The following XKR4 variants were observed in gnomAD, a reference collection of about 807,000 sequenced individuals.
XKR4 encodes XK related 4.
Under a neutral mutation model 53.9 loss-of-function variants are expected in XKR4, and 12 were observed. The ratio of observed to expected loss-of-function variants is 0.22; its 90% CI spans 0.14 to 0.36. The LOEUF (loss-of-function observed/expected upper bound fraction) is 0.36. XKR4 is among the 10% of genes least tolerant of loss of function. XKR4 has a pLI of 1.00. For synonymous variants in XKR4, 354 were observed against 362.4 expected (o/e 0.98, Z 0.26); for missense variants, 799 against 859.5 (o/e 0.93, Z 0.88).
intron 1 of XKR4, among the ~76,000 whole-genome samples, chr8:55,245,192 C>T (rs1315757296): frequency 6.6e-6 from 1 of 152,116 alleles, no homozygotes; most frequent in African/African-American, 2.4e-5. Context: ...CAGGCATGAG[C>T]CACCATGCCC....
intron 2 of XKR4, among the ~76,000 whole-genome samples, chr8:55,480,051 T>G (rs1327736652): frequency 6.6e-6 from 1 of 152,218 alleles, no homozygotes; most frequent in Non-Finnish European, 1.5e-5. Context: ...ACTCATTTTA[T>G]GAGGCCAGCA....
intron 1 of XKR4, among the ~76,000 whole-genome samples, chr8:55,278,563 A>T (rs1381334731): frequency 6.6e-6 from 1 of 152,174 alleles, no homozygotes; most frequent in East Asian, 1.9e-4. Flanking sequence ...TTGACTGAGG[A>T]AGTACCAACT....
chr8:55,340,988 GAACCA>G (rs1803536465), intron 1 of XKR4, among the ~76,000 whole-genome samples: 1 of 152,120 alleles, frequency 6.6e-6, no homozygotes, highest in Non-Finnish European at 1.5e-5. Context: ...GGAAAATTAG[GAACCA>G]TTCTGGGGTG....
Position 55,102,343 on chromosome 8 carries a change from G to T in XKR4, c.-146G>T. ...CGGCGGGCGGCGGGCGGCGGCGGAC[G>T]GCAGGCGAGCCGACGCAGGAGCAGG... On this transcript the variant is annotated 5_prime_UTR_variant, in exon 1 of 3. Transcript: ENST00000327381. This position sits in a 1 kb window ranked among gnomAD's most constrained non-coding sequence, Gnocchi z 5.1. 2 of 1,073,896 alleles carry T rather than the reference G, an allele frequency of 1.9e-6. No homozygotes were observed. The highest frequency in any genetic ancestry group is 2.3e-6 in the Non-Finnish European group (2 of 871,572). The allele number at this position is 1,073,896 out of a possible 1,614,324, so 66.5% of individuals were successfully genotyped here. A position where few individuals can be genotyped will look rare whatever the true frequency, so the allele number is the denominator to read the frequency against.
chr8:55,509,010 G>A (rs1373258314), intron 2 of XKR4, among the ~76,000 whole-genome samples: 1 of 152,188 alleles, frequency 6.6e-6, no homozygotes, highest in Non-Finnish European at 1.5e-5. Flanking sequence ...TGAAATAGCT[G>A]AATGTCAATG....
chr8:55,257,447 T>A (rs1818452871), intron 1 of XKR4, among the ~76,000 whole-genome samples: 1 of 141,914 alleles, frequency 7.0e-6, no homozygotes. Flanking sequence ...GGGGAGAAAA[T>A]GAGAGAGAGA....
chr8:55,213,863 T>TTC (rs1563484716), intron 1 of XKR4, among the ~76,000 whole-genome samples: 2 of 128,928 alleles, frequency 1.6e-5, no homozygotes, highest in African/African-American at 5.8e-5. Flanking sequence ...TTTCTTTTTT[T>TTC]TTTTTTTTTT....
intron 2 of XKR4, among the ~76,000 whole-genome samples, chr8:55,520,586 A>T (rs1725688063): frequency 6.6e-6 from 1 of 152,224 alleles, no homozygotes; most frequent in South Asian, 2.1e-4. Flanking sequence ...TCAAAAAATC[A>T]TCATCATCAT....
intron 2 of XKR4, among the ~76,000 whole-genome samples, chr8:55,466,044 G>A (rs1156763119): frequency 2.6e-5 from 4 of 152,140 alleles, no homozygotes; most frequent in Non-Finnish European, 4.4e-5. Context: ...TGGTGGGACT[G>A]TAAACTAGTT....
chr8:55,126,153 GAA>G (rs1335393545), intron 1 of XKR4, among the ~76,000 whole-genome samples: 1 of 151,846 alleles, frequency 6.6e-6, no homozygotes, highest in Non-Finnish European at 1.5e-5. Flanking sequence ...GAGGAGGAAA[GAA>G]AAAAAAGTTT....
Position 55,117,566 on chromosome 8 carries a change from G to A in XKR4, c.806+14272G>A, listed in dbSNP as rs556802237. On this transcript the variant is annotated intron_variant, in intron 1 of 2. Coordinates refer to ENST00000327381, the MANE Select transcript of XKR4 (RefSeq NM_052898.2). ...GCACATTCATTCTGTTAAACCATCC[G>A]ATCTTCTCATCAGGCTCCCAGGGTA... Among the ~76,000 whole-genome samples, 91 of 152,248 alleles carry A rather than the reference G, an allele frequency of 6.0e-4. 1 individual carries two copies. The highest frequency in any genetic ancestry group is 2.1e-3 in the African/African-American group (87 of 41,542).
intron 1 of XKR4, among the ~76,000 whole-genome samples, chr8:55,354,438 G>A (rs553606271): frequency 5.9e-5 from 9 of 152,210 alleles, no homozygotes; most frequent in African/African-American, 1.7e-4. Flanking sequence ...AGGGACAACC[G>A]CAAAAGATGA....
chr8:55,119,794 T>C (rs562571092), intron 1 of XKR4, among the ~76,000 whole-genome samples: 4 of 152,280 alleles, frequency 2.6e-5, no homozygotes, highest in African/African-American at 9.6e-5. Context: ...GGCTCCATAA[T>C]GAGTGGAGTG....
chr8:55,464,276 C>A (rs946194450), intron 2 of XKR4, among the ~76,000 whole-genome samples: 1 of 152,136 alleles, frequency 6.6e-6, no homozygotes, highest in Admixed American at 6.5e-5. Context: ...AGCTTATCCA[C>A]CATGATCAAG....
rs981866612 is a variant in XKR4, at chr8:55,454,355, G to T, written c.1007-68926G>T. On this transcript the variant is annotated intron_variant, in intron 2 of 2. Transcript: ENST00000327381. ...GCTGAGGGCCTCCAGCAGCTGGGCC[G>T]GCAGGATGGGCACATAGGTGAAGCT... The T allele has an allele frequency of 4.0e-6, 6 of 1,507,522 alleles. No homozygotes were observed. In the East Asian group the frequency reaches 9.0e-5, roughly 23 times the overall value. 93.4% of individuals were successfully genotyped at this position (1,507,522 alleles called of 1,614,324 possible).
At chr8:55,132,782 C>A (rs548193648) in intron 1 of XKR4, among the ~76,000 whole-genome samples, 1 of 152,180 alleles carries the variant, frequency 6.6e-6, no homozygotes, top group East Asian at 1.9e-4. Context: ...AGTGGTGCAT[C>A]CAGGATGTTC....
chr8:55,261,490 CA>C (rs1268011109), intron 1 of XKR4, among the ~76,000 whole-genome samples: 1 of 152,168 alleles, frequency 6.6e-6, no homozygotes, highest in Non-Finnish European at 1.5e-5. Context: ...AGGTTTAGGT[CA>C]AAGATCTTTC....
At chr8:55,447,776 G>A (rs935610426) in intron 2 of XKR4, among the ~76,000 whole-genome samples, 1 of 152,176 alleles carries the variant, frequency 6.6e-6, no homozygotes, top group Non-Finnish European at 1.5e-5. Context: ...CTAACCTGTA[G>A]AATTTTAAGG....
chr8:55,453,413 C>G (rs1805490177), intron 2 of XKR4: 3 of 417,858 alleles, frequency 7.2e-6, no homozygotes, highest in Admixed American at 5.6e-5. Context: ...CTTCAGGGCC[C>G]TCAGCACAGC....
Sources: gnomAD v4.1 joint callset for allele counts (sites outside exome capture counted in the v4.1 genomes callset) on GRCh38, gnomAD v4.1.1 for gene constraint, Gnocchi (gnomAD v3.1) non-coding constraint, MANE v1.5 for transcripts, NCBI Gene and HGNC (gene_info 2026-07-23, HGNC 2026-07-21) for gene names.